Variants in EPN1 observed in about 807,000 individuals in gnomAD.
EPN1 encodes the protein epsin 1.
A neutral mutation model predicts 56.9 loss-of-function variants in EPN1; 25 were observed. The observed-to-expected ratio is 0.44, with a 90% CI of 0.32 to 0.61. The LOEUF (loss-of-function observed/expected upper bound fraction) is 0.61. EPN1 is among the 20% of genes least tolerant of loss of function. The pLI, the probability that EPN1 is intolerant of heterozygous loss-of-function variation, is 0.05. For synonymous variants in EPN1, 411 were observed against 361.8 expected (o/e 1.14, Z -1.54); for missense variants, 785 against 823.7 (o/e 0.95, Z 0.58).
rs560797998 is a variant in EPN1 at position 55,705,445 on chromosome 19, C to A, written c.*10089C>A. Reference sequence around the variant, plus strand: ...AATGGATGACTTGAGGTCAGGAGTTCGAGACCAGCCTGGCCAACATGACAA... The same window carrying A: ...AATGGATGACTTGAGGTCAGGAGTTAGAGACCAGCCTGGCCAACATGACAA... On this transcript the variant is annotated 3_prime_UTR_variant, in exon 11 of 11. Coordinates refer to ENST00000270460, the MANE Select transcript of EPN1 (RefSeq NM_001130072.2). 3.5e-4 allele frequency: 53 copies of A among 152,256 alleles called. No homozygotes were observed. The highest frequency in any genetic ancestry group is 1.2e-3 in the African/African-American group (48 of 41,546). The allele number at this position is 152,256 out of a possible 1,614,324, so 9.4% of individuals were successfully genotyped here.
Position 55,689,230 on chromosome 19 carries a change from C to CCTGGCTCTGCCT in EPN1, c.604-63_604-52dup. The CCTGGCTCTGCCT allele has an allele frequency of 7.8e-7, 1 of 1,278,620 alleles. No individual in the cohort carries two copies. The highest frequency in any genetic ancestry group is 1.1e-6 in the Non-Finnish European group (1 of 901,264). The allele number at this position is 1,278,620 out of a possible 1,614,324, so 79.2% of individuals were successfully genotyped here. A position where few individuals can be genotyped will look rare whatever the true frequency, so the allele number is the denominator to read the frequency against. Reference sequence around the variant, plus strand: ...CTCTCTTTCTTCGGCTCTATCTGACCCTGGCTCTGCCTCTGACTCTGCCTC... The same window carrying CCTGGCTCTGCCT: ...CTCTCTTTCTTCGGCTCTATCTGACCCTGGCTCTGCCTCTGGCTCTGCCTCTGACTCTGCCTC... On this transcript the variant is annotated intron_variant, in intron 4 of 10. Coordinates refer to ENST00000270460, the MANE Select transcript of EPN1 (RefSeq NM_001130072.2). This position sits in a 1 kb window ranked among gnomAD's most constrained non-coding sequence, Gnocchi z 5.7.
Position 55,689,203 on chromosome 19 carries a change from C to T in EPN1, c.604-94C>T. On this transcript the variant is annotated intron_variant, in intron 4 of 10. Transcript: ENST00000270460. This position sits in a 1 kb window ranked among gnomAD's most constrained non-coding sequence, Gnocchi z 5.7. ...CCCTCACTGGTTCAGGGACCCCCAG[C>T]CCTCTCTTTCTTCGGCTCTATCTGA... 8.6e-7 allele frequency: 1 copy of T among 1,159,190 alleles called. No homozygotes were observed. 71.8% of individuals were successfully genotyped at this position (1,159,190 alleles called of 1,614,324 possible). A position where few individuals can be genotyped will look rare whatever the true frequency, so the allele number is the denominator to read the frequency against.
chr19:55,692,914 C>T (rs762170617), intron 8 of EPN1, 37 bp from the exon 9 acceptor site: 6 of 1,610,552 alleles, frequency 3.7e-6, no homozygotes, highest in Non-Finnish European at 5.1e-6. Context: ...AGGCGGGGCC[C>T]CAGGGAGGGG....
chr19:55,685,629 G>T lies in EPN1; in HGVS notation c.462G>T (p.Leu154=). 1 of 1,598,742 alleles carries T rather than the reference G, an allele frequency of 6.3e-7. No homozygotes were observed. ...ACGCGCTCAAGACCAAGGAAAAGCT[G>T]GCACAGACCGCCACGGGTGAGTCCC... ...RAHALKTKEK[L]AQTATASSAA... is the part of the protein sequence containing the mutation. Residue 154 remains leucine, a synonymous_variant, in exon 3 of 11, where the codon CTG becomes CTT. Transcript: ENST00000270460.
intron 2 of EPN1, chr19:55,680,561 CT>C (rs1985744790): frequency 1.3e-5 from 2 of 152,386 alleles, no homozygotes; most frequent in Non-Finnish European, 2.9e-5. Context: ...TGGAAACCTG[CT>C]TTGGTTGCTG....
intron 2 of EPN1, among the ~76,000 whole-genome samples, chr19:55,681,743 C>T (rs868048864): frequency 3.3e-5 from 5 of 152,090 alleles, no homozygotes; most frequent in African/African-American, 9.7e-5. Flanking sequence ...ATGCAGTTGC[C>T]CACTGCTTTT....
chr19:55,688,514 C>T (rs547778853), intron 3 of EPN1, among the ~76,000 whole-genome samples: 1 of 152,166 alleles, frequency 6.6e-6, no homozygotes, highest in Non-Finnish European at 1.5e-5. Flanking sequence ...GAGGAAGGAC[C>T]TCCCATCCCC....
At position 55,697,084 on chromosome 19, in the gene EPN1, C is replaced by CCGG. The variant is rs1986938200; in HGVS notation, c.*1728_*1729insCGG. 6.6e-6 allele frequency: 1 copy of CCGG among 152,236 alleles called. No homozygotes were observed. The highest frequency in any genetic ancestry group is 1.5e-5 in the Non-Finnish European group (1 of 68,042). 9.4% of individuals were successfully genotyped at this position (152,236 alleles called of 1,614,324 possible). On this transcript the variant is annotated 3_prime_UTR_variant, in exon 11 of 11. Coordinates refer to ENST00000270460, the MANE Select transcript of EPN1 (RefSeq NM_001130072.2). ...CCAGGGAGGGGAAGCCCTCTTCTCA[C>CCGG]ACCCGGCCTGGGTATGTTGTGGGAG...
chr19:55,689,500 T>A lies in EPN1; in HGVS notation c.678+129T>A. Reference sequence around the variant, plus strand: ...CCACAGGCTCACGCGTGTTGAAACCTCAGTACCTTCAGCCGTAGGATGTAG... The same window carrying A: ...CCACAGGCTCACGCGTGTTGAAACCACAGTACCTTCAGCCGTAGGATGTAG... On this transcript the variant is annotated intron_variant, in intron 5 of 10. Coordinates refer to ENST00000270460, the MANE Select transcript of EPN1 (RefSeq NM_001130072.2). This position sits in a 1 kb window ranked among gnomAD's most constrained non-coding sequence, Gnocchi z 5.7. 1.5e-6 allele frequency: 1 copy of A among 688,182 alleles called. No individual in the cohort carries two copies. The highest frequency in any genetic ancestry group is 2.5e-6 in the Non-Finnish European group (1 of 394,130). 42.6% of individuals were successfully genotyped at this position (688,182 alleles called of 1,614,324 possible). A position where few individuals can be genotyped will look rare whatever the true frequency, so the allele number is the denominator to read the frequency against.
chr19:55,693,268 G>A, intron 9 of EPN1: 1 of 531,076 alleles, frequency 1.9e-6, no homozygotes, highest in Non-Finnish European at 3.4e-6. Context: ...TTGTTCTCAA[G>A]GTTTCCCACC....
chr19:55,683,873 C>G (rs900161323), intron 2 of EPN1, among the ~76,000 whole-genome samples: 5 of 152,238 alleles, frequency 3.3e-5, no homozygotes, highest in African/African-American at 1.2e-4. Flanking sequence ...CACATGGTGT[C>G]TGTTGGTCCC....
At position 55,697,815 on chromosome 19, in the gene EPN1, C is replaced by G. The variant is rs1986969261; in HGVS notation, c.*2459C>G. 6.6e-6 allele frequency: 1 copy of G among 152,080 alleles called. No homozygotes were observed. The highest frequency in any genetic ancestry group is 1.5e-5 in the Non-Finnish European group (1 of 68,008). 9.4% of individuals were successfully genotyped at this position (152,080 alleles called of 1,614,324 possible). ...TACACGGTTGAACGCTGGGAGAATG[C>G]TGGGAGCCTGCTGTTGTCCCCGATT... On this transcript the variant is annotated 3_prime_UTR_variant, in exon 11 of 11. Transcript: ENST00000270460.
At position 55,678,863 on chromosome 19, in the gene EPN1, T is replaced by A. The variant is rs1985612082; in HGVS notation, c.228+8T>A. 6.3e-7 allele frequency: 1 copy of A among 1,588,170 alleles called. No individual in the cohort carries two copies. Among genetic ancestry groups the A allele is most frequent in the Non-Finnish European group, 8.6e-7 (1 of 1,162,100 alleles). ...TGGCGTCACGTTTACAAGGTCAGCA[T>A]CCTGCTCTCCTCCCCGGGCAGGTGC... On this transcript the variant is annotated splice_region_variant and intron_variant, in intron 2 of 10. Coordinates refer to ENST00000270460, the MANE Select transcript of EPN1 (RefSeq NM_001130072.2).
Position 55,694,646 on chromosome 19 carries a change from C to G in EPN1, c.1265-80C>G, listed in dbSNP as rs906120642. On this transcript the variant is annotated intron_variant, in intron 9 of 10. Coordinates refer to ENST00000270460, the MANE Select transcript of EPN1 (RefSeq NM_001130072.2). This position sits in a 1 kb window ranked among gnomAD's most constrained non-coding sequence, Gnocchi z 4.2. Reference sequence around the variant, plus strand: ...GGCACCGGGCTCTTTGAAGCGCCCCCTATGATGGCCTATACTGCTCCCGGG... The same window carrying G: ...GGCACCGGGCTCTTTGAAGCGCCCCGTATGATGGCCTATACTGCTCCCGGG... The G allele has an allele frequency of 2.0e-6, 3 of 1,464,302 alleles. No homozygotes were observed. The highest frequency in any genetic ancestry group is 4.9e-5 in the Admixed American group (2 of 40,930). 90.7% of individuals were successfully genotyped at this position (1,464,302 alleles called of 1,614,324 possible).
intron 6 of EPN1, 149 bp downstream of exon 6, chr19:55,690,099 T>G: frequency 1.3e-6 from 1 of 786,122 alleles, no homozygotes; most frequent in Non-Finnish European, 2.0e-6. Context: ...TCGGCCTCTC[T>G]GTGCCTCTCC....
chr19:55,706,223 TTC>T lies in EPN1; in HGVS notation c.*10868_*10869del, dbSNP rs1987400000. On this transcript the variant is annotated 3_prime_UTR_variant, in exon 11 of 11. Coordinates refer to ENST00000270460, the MANE Select transcript of EPN1 (RefSeq NM_001130072.2). ...TCTTCCTTTATTTTTCTTTCTTCCTTTCCTCCTCTTTCTTCTCCTTTTTCCTC... is the reference window on the plus strand; with the variant it reads ...TCTTCCTTTATTTTTCTTTCTTCCTTCTCCTCTTTCTTCTCCTTTTTCCTC... The T allele has an allele frequency of 7.3e-6, 1 of 136,210 alleles. No homozygotes were observed. Among genetic ancestry groups the T allele is most frequent in the African/African-American group, 3.5e-5 (1 of 28,644 alleles). 8.4% of individuals were successfully genotyped at this position (136,210 alleles called of 1,614,324 possible). A position where few individuals can be genotyped will look rare whatever the true frequency, so the allele number is the denominator to read the frequency against.
chr19:55,685,275 T>C, intron 2 of EPN1, 121 bp from the exon 3 acceptor site: 1 of 1,252,810 alleles, frequency 8.0e-7, no homozygotes, highest in Non-Finnish European at 1.1e-6. Context: ...GTCCACCCAC[T>C]GGCGACAGGT....
rs1986923900 is a variant in EPN1 at position 55,696,695 on chromosome 19, G to A, written c.*1339G>A. The A allele has an allele frequency of 6.6e-6, 1 of 152,372 alleles. No homozygotes were observed. The highest frequency in any genetic ancestry group is 1.5e-5 in the Non-Finnish European group (1 of 68,152). The allele number at this position is 152,372 out of a possible 1,614,324, so 9.4% of individuals were successfully genotyped here. ...GGGGTCCAGGGAGCACCCAGCCAGT[G>A]GAGTGTTGGAGGCCACTGAGAGGGA... On this transcript the variant is annotated 3_prime_UTR_variant, in exon 11 of 11. Coordinates refer to ENST00000270460, the MANE Select transcript of EPN1 (RefSeq NM_001130072.2).
Position 55,689,212 on chromosome 19 carries a change from TCTTCGGCTCTATCTGACCCTGG to T in EPN1, c.604-82_604-61del. On this transcript the variant is annotated intron_variant, in intron 4 of 10. Coordinates refer to ENST00000270460, the MANE Select transcript of EPN1 (RefSeq NM_001130072.2). The surrounding 1 kb of genome is among the most constrained non-coding windows in gnomAD (Gnocchi z 5.7). ...GTTCAGGGACCCCCAGCCCTCTCTT[TCTTCGGCTCTATCTGACCCTGG>T]CTCTGCCTCTGACTCTGCCTCTGGC... 2 of 1,204,918 alleles carry T rather than the reference TCTTCGGCTCTATCTGACCCTGG, an allele frequency of 1.7e-6. No homozygotes were observed. The highest frequency in any genetic ancestry group is 2.7e-5 in the South Asian group (2 of 74,306). 74.6% of individuals were successfully genotyped at this position (1,204,918 alleles called of 1,614,324 possible).
Sources: gnomAD v4.1 joint callset for allele counts (sites outside exome capture counted in the v4.1 genomes callset) on GRCh38, gnomAD v4.1.1 for gene constraint, Gnocchi (gnomAD v3.1) non-coding constraint, MANE v1.5 for transcripts, NCBI Gene and HGNC (gene_info 2026-07-23, HGNC 2026-07-21) for gene names.